Variants in REXO1 observed in about 807,000 individuals in gnomAD.
REXO1 encodes REX1, RNA exonuclease 1 homolog.
Under a neutral mutation model 102.6 loss-of-function variants are expected in REXO1, and 42 were observed. The ratio of observed to expected loss-of-function variants is 0.41; its 90% CI spans 0.32 to 0.53. The LOEUF (loss-of-function observed/expected upper bound fraction) is 0.53. Ranked by LOEUF, REXO1 falls within the 20% of genes least tolerant of loss-of-function variation. The probability of loss-of-function intolerance (pLI) is 0.27; values close to 1 mark genes in which losing one functional copy is unlikely to be tolerated. For synonymous variants in REXO1, 908 were observed against 779.1 expected (o/e 1.17, Z -2.76); for missense variants, 1,819 against 1,732.5 (o/e 1.05, Z -0.89).
At chr19:1,817,360 T>C in intron 11 of REXO1, 31 bp from the exon 12 acceptor site, 1 of 1,609,488 alleles carries the variant, frequency 6.2e-7, no homozygotes, top group Admixed American at 1.7e-5. Flanking sequence ...TGAGGGCAGC[T>C]TCGGGGTGCA....
chr19:1,839,934 G>C (rs1048032026), intron 1 of REXO1, among the ~76,000 whole-genome samples: 1 of 152,196 alleles, frequency 6.6e-6, no homozygotes, highest in Admixed American at 6.5e-5. Context: ...TCCAGATCCT[G>C]TCTCCCTAGG....
At position 1,826,693 on chromosome 19, in the gene REXO1, A is replaced by AACAGGG. The variant is rs2069734096; in HGVS notation, c.1911+184_1911+185insCCCTGT. Among the ~76,000 whole-genome samples the AACAGGG allele has an allele frequency of 8.0e-5, 6 of 74,992 alleles. No individual in the cohort carries two copies. The highest frequency in any genetic ancestry group is 4.2e-4 in the African/African-American group (5 of 11,938). 49.2% of individuals were successfully genotyped at this position (74,992 alleles called of 152,430 possible). A position where few individuals can be genotyped will look rare whatever the true frequency, so the allele number is the denominator to read the frequency against. ...CTCTGGGTGGGTGAGGGGCAACAGG[A>AACAGGG]GCAACAGGGCTGCCCGGGTGCTCCT... On this transcript the variant is annotated intron_variant, in intron 2 of 15. Coordinates refer to ENST00000170168, the MANE Select transcript of REXO1 (RefSeq NM_020695.4). This position sits in a 1 kb window ranked among gnomAD's most constrained non-coding sequence, Gnocchi z 4.3.
intron 12 of REXO1, 90 bp from the exon 13 acceptor site, chr19:1,816,903 C>T: frequency 1.0e-6 from 1 of 961,820 alleles, no homozygotes. Flanking sequence ...AGAGCCCCTC[C>T]AGGCAGAGGC....
At chr19:1,831,448 A>G (rs1599153690) in intron 1 of REXO1, among the ~76,000 whole-genome samples, 1 of 151,674 alleles carries the variant, frequency 6.6e-6, no homozygotes, top group Non-Finnish European at 1.5e-5. Flanking sequence ...CAGGCACAAG[A>G]CCTCCCACTG....
rs1386838169 is a variant in REXO1 at position 1,828,027 on chromosome 19, C to G, written c.762G>C (p.Arg254=). 1 of 1,612,770 alleles carries G rather than the reference C, an allele frequency of 6.2e-7. No homozygotes were observed. Among genetic ancestry groups the G allele is most frequent in the South Asian group, 1.1e-5 (1 of 90,996 alleles). ...GGGAGCCCCGGGGCCGCTTGGCGGC[C>G]CGCTCATCCCGGGAGCTGGCCCTGC... is the stretch of plus-strand genomic sequence containing the variant. The part of the protein sequence containing the change: ...HLSRASSRDE[R]AAKRPRGSRG... Residue 254 remains arginine (R), a synonymous_variant, in exon 2 of 16, where the codon CGG becomes CGC. Transcript: ENST00000170168.
Position 1,818,565 on chromosome 19 carries a change from G to A in REXO1, c.2933C>T (p.Thr978Ile). The A allele has an allele frequency of 1.4e-5, 22 of 1,611,692 alleles. No homozygotes were observed. The highest frequency in any genetic ancestry group is 1.9e-5 in the Non-Finnish European group (22 of 1,179,594). ...SSCRTCCRCG[T>I]EYLVSSSGRC... ...GCCTGAAGAGGACACGAGGTACTCG[G>A]TGCCACAGCGGCAGCAGGTCCTGCA... The change falls in exon 10 of 16, where the codon ACC (threonine) becomes ATC (isoleucine). Residue 978 changes from threonine to isoleucine, a missense_variant. Thr to Ile is a moderately conservative substitution (Grantham distance 89, BLOSUM62 -1). Transcript: ENST00000170168.
chr19:1,823,436 C>A (rs965646111), intron 4 of REXO1, 136 bp downstream of exon 4: 17 of 538,742 alleles, frequency 3.2e-5, no homozygotes, highest in South Asian at 8.7e-5. Context: ...AGGCTGAGGG[C>A]CCCAGGGAGG....
chr19:1,839,230 G>A (rs1355604029), intron 1 of REXO1, among the ~76,000 whole-genome samples: 1 of 150,700 alleles, frequency 6.6e-6, no homozygotes, highest in Non-Finnish European at 1.5e-5. Context: ...ACTCCAGCCA[G>A]GGCGACAGAG....
rs990558690 is a variant in REXO1, at chr19:1,827,133, G to C, written c.1656C>G (p.Ser552=). ...GGAAGCCCAGGCTGGAGTCTGAGTC[G>C]GAGTCTGAGTCCGAGCTGAGGCTGG... is the stretch of plus-strand genomic sequence containing the variant. ...ALPSLSSDSD[S]DSDSSLGFPE... Residue 552 remains serine, a synonymous_variant, in exon 2 of 16, where the codon TCC becomes TCG. Coordinates refer to ENST00000170168, the MANE Select transcript of REXO1 (RefSeq NM_020695.4). 7 of 1,542,176 alleles carry C rather than the reference G, an allele frequency of 4.5e-6. No individual in the cohort carries two copies. The highest frequency in any genetic ancestry group is 3.6e-5 in the South Asian group (3 of 84,006).
Position 1,845,959 on chromosome 19 carries a change from C to G in REXO1, c.157+2243G>C, listed in dbSNP as rs150377796. ...GCAAAACACGTTCCTCGATAAGCCT[C>G]CGTTTCCCCACCGGCAGCAAATAGC... On this transcript the variant is annotated intron_variant, in intron 1 of 15. Coordinates refer to ENST00000170168, the MANE Select transcript of REXO1 (RefSeq NM_020695.4). Among the ~76,000 whole-genome samples the G allele has an allele frequency of 7.3e-3, 1,112 of 152,332 alleles. 16 individuals are homozygous for G. The highest frequency in any genetic ancestry group is 0.025 in the African/African-American group (1,035 of 41,562).
chr19:1,837,759 G>A lies in REXO1; in HGVS notation c.158-9128C>T, dbSNP rs149656118. ...TCCAAGGCACCGCCCTCCCCACCTC[G>A]ACAGCGCAGTGTGCAGTGCCAGGAC... On this transcript the variant is annotated intron_variant, in intron 1 of 15. Coordinates refer to ENST00000170168, the MANE Select transcript of REXO1 (RefSeq NM_020695.4). Among the ~76,000 whole-genome samples the A allele has an allele frequency of 7.0e-4, 106 of 152,312 alleles. 2 individuals carry two copies. The highest frequency in any genetic ancestry group is 6.8e-3 in the Admixed American group (104 of 15,300).
intron 1 of REXO1, among the ~76,000 whole-genome samples, chr19:1,835,953 A>C (rs10409758): frequency 0.26 from 38,884 of 152,154 alleles, 5,230 homozygotes; most frequent in East Asian, 0.42. Context: ...TCCTGACCGC[A>C]TCTCCTGAGA....
chr19:1,828,454 A>G lies in REXO1; in HGVS notation c.335T>C (p.Leu112Pro), dbSNP rs780536752. 14 of 1,607,748 alleles carry G rather than the reference A, an allele frequency of 8.7e-6. No homozygotes were observed. The highest frequency in any genetic ancestry group is 1.2e-5 in the Non-Finnish European group (14 of 1,179,550). The change falls in exon 2 of 16, where the codon CTG becomes CCG. Residue 112 changes from leucine to proline, a missense_variant. Leu to Pro is a moderately conservative substitution (Grantham distance 98). Transcript: ENST00000170168. Reference sequence around the variant, plus strand: ...GCGGTGCTCACGGGTCGTCTCCAGCAGCTCCCGGTAGCGCCGCTGCTCCAG... The same window carrying G: ...GCGGTGCTCACGGGTCGTCTCCAGCGGCTCCCGGTAGCGCCGCTGCTCCAG... ...VELEQRRYRE[L>P]LETTREHRSA...
chr19:1,835,353 G>A (rs1302647147), intron 1 of REXO1, among the ~76,000 whole-genome samples: 1 of 152,034 alleles, frequency 6.6e-6, no homozygotes, highest in African/African-American at 2.4e-5. Flanking sequence ...AACCAGCCTG[G>A]CCAACATGGT....
intron 3 of REXO1, 34 bp from the exon 4 acceptor site, chr19:1,823,819 C>T (rs1238114480): frequency 1.9e-6 from 2 of 1,070,510 alleles, no homozygotes; most frequent in African/African-American, 1.6e-5. Context: ...CCTGGCAGCA[C>T]AGCGGGGGCA....
chr19:1,832,481 G>A (rs1040119581), intron 1 of REXO1, among the ~76,000 whole-genome samples: 49 of 152,260 alleles, frequency 3.2e-4, no homozygotes, highest in Non-Finnish European at 7.3e-5. Context: ...CCGGGACCCG[G>A]AGGCTGCAGA....
chr19:1,815,839 C>A lies in REXO1; in HGVS notation c.*227G>T, dbSNP rs1172953313. 6.6e-7 allele frequency: 1 copy of A among 1,515,116 alleles called. No individual in the cohort carries two copies. The highest frequency in any genetic ancestry group is 8.8e-7 in the Non-Finnish European group (1 of 1,136,022). The allele number at this position is 1,515,116 out of a possible 1,614,324, so 93.9% of individuals were successfully genotyped here. On this transcript the variant is annotated 3_prime_UTR_variant, in exon 16 of 16. Transcript: ENST00000170168. The surrounding 1 kb of genome is among the most constrained non-coding windows in gnomAD (Gnocchi z 4.0). ...CTCCATCAGCAGCAGTTTCTAGAGACGCCAGAGGGCTGGGGGGCAGAGGGT... is the reference window on the plus strand; with the variant it reads ...CTCCATCAGCAGCAGTTTCTAGAGAAGCCAGAGGGCTGGGGGGCAGAGGGT...
At position 1,818,767 on chromosome 19, in the gene REXO1, C is replaced by T. The variant is rs778525394; in HGVS notation, c.2841G>A (p.Pro947=). 1.1e-5 allele frequency: 18 copies of T among 1,610,280 alleles called. No individual in the cohort carries two copies. The highest frequency in any genetic ancestry group is 2.2e-5 in the East Asian group (1 of 44,878). ...DQLKENGYPF[P]HPERPGGAII... ...TTGCGCCCCCGGGCCGCTCTGGGTGCGGGAAGGGGTAGCCGTTCTCCTTGA... is the reference window on the plus strand; with the variant it reads ...TTGCGCCCCCGGGCCGCTCTGGGTGTGGGAAGGGGTAGCCGTTCTCCTTGA... The change falls in exon 9 of 16, where the codon CCG becomes CCA. Residue 947 remains proline, a synonymous_variant. Transcript: ENST00000170168.
At position 1,828,491 on chromosome 19, in the gene REXO1, T is replaced by C; in HGVS notation, c.298A>G (p.Ser100Gly). The change falls in exon 2 of 16, where the codon AGT becomes GGT. Residue 100 changes from serine to glycine, a missense_variant. By Grantham distance (56) the Ser-to-Gly change is moderately conservative (BLOSUM62 0). Transcript: ENST00000170168. ...CGCCGCTGCTCCAGCTCCACCTCAC[T>C]GCGCACGGCCTCGATGGCCTGGTTG... ...LVNQAIEAVR[S>G]EVELEQRRYR... The C allele has an allele frequency of 1.9e-6, 3 of 1,605,678 alleles. No homozygotes were observed. The highest frequency in any genetic ancestry group is 2.2e-5 in the East Asian group (1 of 44,866).
Sources: gnomAD v4.1 joint callset for allele counts (sites outside exome capture counted in the v4.1 genomes callset) on GRCh38, gnomAD v4.1.1 for gene constraint, Gnocchi (gnomAD v3.1) non-coding constraint, MANE v1.5 for transcripts, NCBI Gene and HGNC (gene_info 2026-07-23, HGNC 2026-07-21) for gene names.